Variants in PHLDB2 observed in about 807,000 individuals in gnomAD.
PHLDB2 encodes the protein pleckstrin homology-like domain family B member 2.
Under a neutral mutation model 123.6 loss-of-function variants are expected in PHLDB2, and 71 were observed. That is an observed-to-expected ratio of 0.57 (90% confidence interval 0.47 to 0.70). The LOEUF (loss-of-function observed/expected upper bound fraction) is 0.70, where lower values mean the gene tolerates loss of function less well. Ranked by LOEUF, PHLDB2 falls within the 30% of genes least tolerant of loss-of-function variation. PHLDB2 has a pLI of 0.00. For missense variants in PHLDB2, 1,446 were observed against 1,519.5 expected, an observed-to-expected ratio of 0.95 and a Z score of 0.80; for synonymous variants, 547 against 541.6, an observed-to-expected ratio of 1.01 and a Z score of -0.14.
At chr3:111,812,275 T>G (rs561647574) in intron 1 of PHLDB2, among the ~76,000 whole-genome samples, 1 of 152,298 alleles carries the variant, frequency 6.6e-6, no homozygotes, top group East Asian at 1.9e-4. Context: ...ACAAATGGAG[T>G]TTAAGACAGT....
chr3:111,882,197 A>C (rs755521555), intron 1 of PHLDB2, among the ~76,000 whole-genome samples: 3 of 152,184 alleles, frequency 2.0e-5, no homozygotes, highest in Non-Finnish European at 4.4e-5. Flanking sequence ...CATTCTAATA[A>C]ATAACACTGA....
chr3:111,741,340 A>G (rs2059601928), intron 1 of PHLDB2, among the ~76,000 whole-genome samples: 1 of 152,230 alleles, frequency 6.6e-6, no homozygotes, highest in African/African-American at 2.4e-5. Context: ...GAGGCTTTCC[A>G]GAAGATGCAG....
chr3:111,857,298 A>C (rs984367472), upstream of PHLDB2, among the ~76,000 whole-genome samples: 1 of 151,994 alleles, frequency 6.6e-6, no homozygotes, highest in African/African-American at 2.4e-5. Context: ...CAAAAAATTC[A>C]ATATTAGCTG....
intron 1 of PHLDB2, among the ~76,000 whole-genome samples, chr3:111,769,331 C>G (rs1171573148): frequency 1.3e-5 from 2 of 152,126 alleles, no homozygotes; most frequent in Non-Finnish European, 2.9e-5. Flanking sequence ...TGGGAGGCAG[C>G]CCAAAGTCCA....
chr3:111,827,653 C>T (rs2062727572), intron 1 of PHLDB2, among the ~76,000 whole-genome samples: 1 of 141,866 alleles, frequency 7.0e-6, no homozygotes, highest in Non-Finnish European at 1.5e-5. Context: ...TGCACGCCGG[C>T]CTGAGCGACA....
chr3:111,952,864 A>G (rs2070800120), intron 11 of PHLDB2, 152 bp downstream of exon 11: 14 of 974,376 alleles, frequency 1.4e-5, no homozygotes, highest in Non-Finnish European at 2.0e-5. Flanking sequence ...CTCATTTTCT[A>G]CCTGTTCAGA....
upstream of PHLDB2, among the ~76,000 whole-genome samples, chr3:111,857,217 G>A (rs967017605): frequency 1.4e-4 from 22 of 152,052 alleles, no homozygotes; most frequent in East Asian, 1.9e-4. Context: ...TTAGGGTGGC[G>A]GAGGCAGACA....
At chr3:111,774,598 A>G (rs554624636) in intron 1 of PHLDB2, among the ~76,000 whole-genome samples, 9 of 152,262 alleles carry the variant, frequency 5.9e-5, no homozygotes, top group Admixed American at 3.3e-4. Context: ...TTCTGTTTTC[A>G]TCTTTCAAAG....
At chr3:111,814,027 G>A (rs1020227605) in intron 1 of PHLDB2, among the ~76,000 whole-genome samples, 5 of 152,166 alleles carry the variant, frequency 3.3e-5, no homozygotes, top group African/African-American at 7.2e-5. Context: ...CCAGGTAGAG[G>A]TGAACATAAG....
chr3:111,834,208 T>TATAATA (rs2063256501), intron 1 of PHLDB2, among the ~76,000 whole-genome samples: 5 of 46,664 alleles, frequency 1.1e-4, no homozygotes, highest in Non-Finnish European at 2.2e-4. Flanking sequence ...GAATTATATA[T>TATAATA]GTAATAGAAT....
chr3:111,886,510 C>A (rs1429069045), intron 2 of PHLDB2, among the ~76,000 whole-genome samples: 1 of 151,166 alleles, frequency 6.6e-6, no homozygotes, highest in Non-Finnish European at 1.5e-5. Context: ...CAAGACAATT[C>A]TTCTCCAGTG....
At chr3:111,742,978 G>A (rs1261866586) in intron 1 of PHLDB2, among the ~76,000 whole-genome samples, 1 of 152,156 alleles carries the variant, frequency 6.6e-6, no homozygotes, top group Non-Finnish European at 1.5e-5. Context: ...CAATAAAGGA[G>A]CCAACACAGT....
At chr3:111,868,545 T>TA (rs947011255) in intron 1 of PHLDB2, among the ~76,000 whole-genome samples, 4 of 151,832 alleles carry the variant, frequency 2.6e-5, no homozygotes, top group East Asian at 1.9e-4. Flanking sequence ...GTCTTTTTTT[T>TA]AAAAAAAATA....
intron 1 of PHLDB2, among the ~76,000 whole-genome samples, chr3:111,752,192 C>T (rs538770674): frequency 4.6e-5 from 7 of 150,676 alleles, no homozygotes; most frequent in East Asian, 2.0e-4. Flanking sequence ...CTTCTCTCCG[C>T]ATTTCTCTAG....
At chr3:111,839,188 GAAAC>G (rs71926626) in intron 1 of PHLDB2, among the ~76,000 whole-genome samples, 24,608 of 151,838 alleles carry the variant, frequency 0.16, 2,092 homozygotes, top group Admixed American at 0.18. Context: ...CTTCCAGACT[GAAAC>G]AAACAAACAA....
chr3:111,960,514 T>TA (rs2071334992), intron 12 of PHLDB2, among the ~76,000 whole-genome samples: 1 of 152,232 alleles, frequency 6.6e-6, no homozygotes, highest in Non-Finnish European at 1.5e-5. Context: ...TGCATGAAAC[T>TA]AAAACCATTT....
chr3:111,777,417 T>C (rs1347191471), intron 1 of PHLDB2, among the ~76,000 whole-genome samples: 1 of 152,262 alleles, frequency 6.6e-6, no homozygotes, highest in Non-Finnish European at 1.5e-5. Flanking sequence ...TTGAAGTTAA[T>C]ATTCAGCTCT....
chr3:111,898,182 T>TTGTGTGTGTGTGTGTG (rs58183787), intron 2 of PHLDB2, among the ~76,000 whole-genome samples: 24 of 142,656 alleles, frequency 1.7e-4, no homozygotes, highest in African/African-American at 5.9e-4. Flanking sequence ...GTGTGTGTGT[T>TTGTGTGTGTGTGTGTG]TGTGTGTGTG....
At chr3:111,952,912 T>C (rs563026645) in intron 11 of PHLDB2, among the ~76,000 whole-genome samples, 200 bp downstream of exon 11, 2 of 152,322 alleles carry the variant, frequency 1.3e-5, no homozygotes, top group Admixed American at 6.5e-5. Flanking sequence ...CCAAAGAACA[T>C]GCTTCAGGGT....
Sources: gnomAD v4.1 joint callset for allele counts (sites outside exome capture counted in the v4.1 genomes callset) on GRCh38, gnomAD v4.1.1 for gene constraint, MANE v1.5 for transcripts, NCBI Gene and HGNC (gene_info 2026-07-23, HGNC 2026-07-21) for gene names.